Variants in NME9 observed in about 807,000 individuals in gnomAD.
The protein encoded by NME9 is thioredoxin domain-containing protein 6.
In NME9, 48 loss-of-function variants were observed where a neutral mutation model predicts 44.4. The observed-to-expected ratio is 1.08, with a 90% CI of 0.86 to 1.37. NME9 has a LOEUF of 1.37. NME9 is among the 40% of genes most tolerant of loss of function. The pLI is 0.00. For missense variants in NME9, 325 were observed against 405.2 expected, an observed-to-expected ratio of 0.80 and a Z score of 1.70; for synonymous variants, 139 against 147.1, an observed-to-expected ratio of 0.94 and a Z score of 0.40.
At chr3:138,266,337 C>A (rs1438048313) in intron 8 of NME9, among the ~76,000 whole-genome samples, 1 of 152,070 alleles carries the variant, frequency 6.6e-6, no homozygotes, top group African/African-American at 2.4e-5. Context: ...AACACACTTG[C>A]TTATGGAGTG....
rs1280582987 is a variant in NME9, at chr3:138,265,573, A to G, written c.746-2987T>C. Reference sequence around the variant, plus strand: ...GCGGGGGCATCAATGTGGCAGAAATAGGCAAGAGACCATTCAGGCAGGAAG... The same window carrying G: ...GCGGGGGCATCAATGTGGCAGAAATGGGCAAGAGACCATTCAGGCAGGAAG... On this transcript the variant is annotated intron_variant, in intron 8 of 8. Transcript: ENST00000317876. Among the ~76,000 whole-genome samples, 5 of 152,216 alleles carry G rather than the reference A, an allele frequency of 3.3e-5. No individual in the cohort carries two copies. The East Asian group carries it at 7.7e-4, about 23-fold the overall frequency.
At chr3:138,326,249 C>A (rs1054831521) in intron 1 of NME9, among the ~76,000 whole-genome samples, 1 of 152,146 alleles carries the variant, frequency 6.6e-6, no homozygotes, top group Non-Finnish European at 1.5e-5. Flanking sequence ...CTCACTACTC[C>A]CTAGCAGATG....
intron 6 of NME9, among the ~76,000 whole-genome samples, chr3:138,310,038 C>A (rs917629236): frequency 6.6e-6 from 1 of 151,496 alleles, no homozygotes; most frequent in Admixed American, 6.6e-5. Context: ...GAAAAGAAAC[C>A]AAGACCCAAC....
intron 8 of NME9, among the ~76,000 whole-genome samples, chr3:138,266,456 C>T (rs761257454): frequency 5.3e-5 from 8 of 152,092 alleles, no homozygotes; most frequent in Non-Finnish European, 1.5e-5. Flanking sequence ...AATTCATGTA[C>T]CTATTTAGTT....
In NME9 at chr3:138,306,087, C is replaced by G; in HGVS notation, c.553G>C (p.Ala185Pro). ...TCATTTGTTAGAATTTCAAACCCAGCTTCCTGAATCTGTAGAATATATATA... is the reference window on the plus strand; with the variant it reads ...TCATTTGTTAGAATTTCAAACCCAGGTTCCTGAATCTGTAGAATATATATA... Reference protein sequence around the residue: ...TDEIIMKIQEAGFEILTNEER... With the variant: ...TDEIIMKIQEPGFEILTNEER... Residue 185 changes from alanine (A) to proline (P), a missense_variant, in exon 8 of 11, where the codon GCT becomes CCT. Coordinates refer to ENST00000333911, the MANE Select transcript of NME9 (RefSeq NM_001349018.2). The G allele has an allele frequency of 6.2e-7, 1 of 1,605,626 alleles. No individual in the cohort carries two copies. The highest frequency in any genetic ancestry group is 8.5e-7 in the Non-Finnish European group (1 of 1,172,278).
In NME9 at chr3:138,327,374, C is replaced by G. The variant is rs79291336; in HGVS notation, c.33+1929G>C. 4.0e-3 allele frequency among the ~76,000 whole-genome samples: 614 copies of G among 152,168 alleles called. 4 individuals carry two copies. Among genetic ancestry groups the G allele is most frequent in the African/African-American group, 0.014 (595 of 41,476 alleles). ...GGCCCCACACCCCTACCCAGAGGCT[C>G]AGACTTAAGTCACCAGCAGCTCTCT... is the stretch of plus-strand genomic sequence containing the variant. On this transcript the variant is annotated intron_variant, in intron 1 of 10. Coordinates refer to ENST00000333911, the MANE Select transcript of NME9 (RefSeq NM_001349018.2).
chr3:138,284,945 A>G (rs2050264003), intron 8 of NME9, among the ~76,000 whole-genome samples: 1 of 152,168 alleles, frequency 6.6e-6, no homozygotes, highest in African/African-American at 2.4e-5. Context: ...CCATGGCCAT[A>G]TCCTGCATCT....
chr3:138,284,164 A>G lies in NME9; in HGVS notation c.745+19343T>C, dbSNP rs58033156. On this transcript the variant is annotated intron_variant, in intron 8 of 8. Coordinates refer to the NME9 transcript ENST00000317876. ...TTGATTTGATAGTATGACCTATACA[A>G]AATAGCTGCCTTTGACCAGCTATGG... Among the ~76,000 whole-genome samples, 829 of 152,370 alleles carry G rather than the reference A, an allele frequency of 5.4e-3. 12 individuals carry two copies. Among genetic ancestry groups the G allele is most frequent in the African/African-American group, 0.018 (763 of 41,592 alleles).
chr3:138,267,374 CG>C (rs2048373721), intron 8 of NME9: 2 of 520,346 alleles, frequency 3.8e-6, no homozygotes, highest in Non-Finnish European at 6.8e-6. Flanking sequence ...GATTGCATAG[CG>C]GTAGGGGTGT....
chr3:138,263,984 C>A, intron 8 of NME9: 1 of 958,194 alleles, frequency 1.0e-6, no homozygotes, highest in East Asian at 2.5e-5. Context: ...GCCTGGCCTC[C>A]AAACCCCATA....
chr3:138,272,904 T>C, intron 8 of NME9: 3 of 1,302,168 alleles, frequency 2.3e-6, no homozygotes, highest in Non-Finnish European at 3.0e-6. Flanking sequence ...AGAGTTACTA[T>C]TAAAATATAA....
Position 138,318,215 on chromosome 3 carries a change from T to C in NME9, c.200A>G (p.Glu67Gly), listed in dbSNP as rs368027073. Residue 67 changes from glutamate (E) to glycine (G), a missense_variant, in exon 4 of 11, where the codon GAG (glutamate) becomes GGG (glycine). By Grantham distance (98) the Glu-to-Gly change is moderately conservative (BLOSUM62 -2). Transcript: ENST00000333911. ...GLDLLHFALA[E>G]ADRLDVLEKY... ...TTCGAGGACATCAAGACGATCTGCC[T>C]CTGCCTAAAGAAAGCCACTATCAGC... is the stretch of plus-strand genomic sequence containing the variant. 2.5e-6 allele frequency: 4 copies of C among 1,611,006 alleles called. No individual in the cohort carries two copies. The highest frequency in any genetic ancestry group is 2.7e-5 in the African/African-American group (2 of 74,990).
intron 8 of NME9, among the ~76,000 whole-genome samples, chr3:138,286,204 A>G (rs534508694): frequency 1.3e-5 from 2 of 152,286 alleles, no homozygotes; most frequent in South Asian, 2.1e-4. Context: ...CGGCCTCCCA[A>G]AGTGCTGGGA....
chr3:138,312,557 G>C (rs1162524509), intron 6 of NME9, among the ~76,000 whole-genome samples: 1 of 152,168 alleles, frequency 6.6e-6, no homozygotes, highest in Non-Finnish European at 1.5e-5. Context: ...ACCATATGCA[G>C]AAGAATGAAA....
chr3:138,271,226 C>T (rs188192343), intron 8 of NME9, among the ~76,000 whole-genome samples: 1 of 152,164 alleles, frequency 6.6e-6, no homozygotes, highest in African/African-American at 2.4e-5. Flanking sequence ...TAGCACTTCT[C>T]TTTCTTGAAA....
intron 8 of NME9, among the ~76,000 whole-genome samples, chr3:138,276,578 G>A (rs2049316188): frequency 6.6e-6 from 1 of 152,134 alleles, no homozygotes; most frequent in Admixed American, 6.5e-5. Context: ...TAATAAATGA[G>A]TTAAGCAAGG....
Position 138,301,613 on chromosome 3 carries a change from G to GT in NME9, c.*26dup, listed in dbSNP as rs1560085476. On this transcript the variant is annotated 3_prime_UTR_variant, in exon 11 of 11. Coordinates refer to ENST00000333911, the MANE Select transcript of NME9 (RefSeq NM_001349018.2). ...TTTTGTGCAGTAGACCCCTGGTCACGTGCTCTGGAAGAGCAGCACAGCCAT... is the reference window on the plus strand; with the variant it reads ...TTTTGTGCAGTAGACCCCTGGTCACGTTGCTCTGGAAGAGCAGCACAGCCAT... 6.5e-7 allele frequency: 1 copy of GT among 1,535,662 alleles called. No homozygotes were observed. Among genetic ancestry groups the GT allele is most frequent in the African/African-American group, 1.4e-5 (1 of 73,022 alleles).
chr3:138,292,892 G>T (rs988976945), intron 8 of NME9, among the ~76,000 whole-genome samples: 10 of 152,206 alleles, frequency 6.6e-5, no homozygotes, highest in African/African-American at 2.4e-4. Context: ...AGAAGGAACA[G>T]CTAGTGAGGC....
intron 8 of NME9, among the ~76,000 whole-genome samples, chr3:138,305,513 A>G (rs1271909120): frequency 6.6e-6 from 1 of 152,112 alleles, no homozygotes; most frequent in Non-Finnish European, 1.5e-5. Context: ...TTGACTGACA[A>G]CCATGGGATG....
Sources: gnomAD v4.1 joint callset for allele counts (sites outside exome capture counted in the v4.1 genomes callset) on GRCh38, gnomAD v4.1.1 for gene constraint, MANE v1.5 for transcripts, NCBI Gene and HGNC (gene_info 2026-07-23, HGNC 2026-07-21) for gene names.